Variants in NCF2 observed in about 807,000 individuals in gnomAD.
NCF2 encodes the protein neutrophil cytosolic factor 2.
Under a neutral mutation model 70.9 loss-of-function variants are expected in NCF2, and 45 were observed. The observed-to-expected ratio is 0.63, with a 90% confidence interval of 0.50 to 0.81. NCF2 has a LOEUF of 0.81. Ranked by LOEUF, NCF2 falls within the 40% of genes least tolerant of loss-of-function variation. The pLI is 0.00. For missense variants in NCF2, 522 were observed against 631.6 expected (o/e 0.83, Z 1.86); for synonymous variants, 203 against 233.6 (o/e 0.87, Z 1.19).
intron 2 of NCF2, among the ~76,000 whole-genome samples, chr1:183,581,811 G>A (rs565425853): frequency 1.3e-5 from 2 of 152,226 alleles, no homozygotes; most frequent in East Asian, 3.9e-4. Flanking sequence ...GGGACTACAG[G>A]CGTCCGCCAC....
chr1:183,600,146 T>G, the NCF2 span, among the ~76,000 whole-genome samples: 6 of 152,222 alleles, frequency 3.9e-5, no homozygotes, highest in Admixed American at 3.9e-4. Context: ...AAATGGAGTT[T>G]GATAAAGACA....
the NCF2 span, among the ~76,000 whole-genome samples, chr1:183,599,472 TTCTTTCTTTC>T: frequency 7.0e-6 from 1 of 143,194 alleles, no homozygotes; most frequent in African/African-American, 2.7e-5. Flanking sequence ...CTTTCTTTCT[TTCTTTCTTTC>T]TCTTTTCTTT....
rs773234737 is a variant in NCF2, at chr1:183,570,840, C to G, written c.610-1G>C. ...CTTGATCCACCACAGATGCCACGAC[C>G]TAAAATCAAGGACAGGAGGGTGTGA... On this transcript the variant is annotated splice_acceptor_variant, in intron 5 of 14. Coordinates refer to ENST00000367535, the MANE Select transcript of NCF2 (RefSeq NM_000433.4). LOFTEE classifies it high-confidence loss of function. 1 of 1,614,142 alleles carries G rather than the reference C, an allele frequency of 6.2e-7. No homozygotes were observed. Among genetic ancestry groups the G allele is most frequent in the East Asian group, 2.2e-5 (1 of 44,884 alleles).
chr1:183,594,553 C>A (rs1292255618), upstream of NCF2, among the ~76,000 whole-genome samples: 1 of 152,172 alleles, frequency 6.6e-6, no homozygotes, highest in African/African-American at 2.4e-5. Context: ...TTCTGACACA[C>A]ACACCACTGG....
intron 2 of NCF2, among the ~76,000 whole-genome samples, chr1:183,581,946 C>T (rs942863286): frequency 2.0e-5 from 3 of 152,176 alleles, no homozygotes; most frequent in Admixed American, 6.5e-5. Flanking sequence ...GGATTACAGG[C>T]GTGAGCCACC....
At chr1:183,599,565 CTTTT>C in the NCF2 span, among the ~76,000 whole-genome samples, 1 of 136,692 alleles carries the variant, frequency 7.3e-6, no homozygotes, top group Non-Finnish European at 1.6e-5. Context: ...TTCTTTCTTT[CTTTT>C]GAGATGGAGT....
rs1198766858 is a variant in NCF2 at position 183,590,351 on chromosome 1, C to A, written c.-22G>T. 6.2e-7 allele frequency: 1 copy of A among 1,614,008 alleles called. No individual in the cohort carries two copies. On this transcript the variant is annotated 5_prime_UTR_variant, in exon 1 of 15. Transcript: ENST00000367535. ...ACATGATTAGGTAGAAACTAGGAGGCCAAGAGAGCTGCCAGGAGACAGAGA... is the reference window on the plus strand; with the variant it reads ...ACATGATTAGGTAGAAACTAGGAGGACAAGAGAGCTGCCAGGAGACAGAGA...
chr1:183,600,555 T>C, the NCF2 span, among the ~76,000 whole-genome samples: 1 of 152,164 alleles, frequency 6.6e-6, no homozygotes, highest in African/African-American at 2.4e-5. Flanking sequence ...CCCATCCATT[T>C]CCCCAGAACT....
chr1:183,590,162 T>C lies in NCF2; in HGVS notation c.168A>G (p.Ala56=), dbSNP rs1673574855. The change falls in exon 1 of 15, where the codon GCA becomes GCG. Residue 56 remains alanine (A), a synonymous_variant. Coordinates refer to ENST00000367535, the MANE Select transcript of NCF2 (RefSeq NM_000433.4). ...MYTILKNMTE[A]EKAFTRSINR... is the part of the protein sequence containing the mutation. Reference sequence around the variant, plus strand: ...AAGAGGCACCTCCACTCACCTTCTCTGCTTCAGTCATGTTCTTCAGGATAG... The same window carrying C: ...AAGAGGCACCTCCACTCACCTTCTCCGCTTCAGTCATGTTCTTCAGGATAG... 1 of 1,614,088 alleles carries C rather than the reference T, an allele frequency of 6.2e-7. No homozygotes were observed. Among genetic ancestry groups the C allele is most frequent in the South Asian group, 1.1e-5 (1 of 91,082 alleles).
At chr1:183,584,888 A>T (rs1673272130) in intron 2 of NCF2, among the ~76,000 whole-genome samples, 1 of 152,070 alleles carries the variant, frequency 6.6e-6, no homozygotes, top group South Asian at 2.1e-4. Context: ...ACATTAAAAT[A>T]AAAAATTAAA....
At chr1:183,594,984 C>T (rs192055608), upstream of NCF2, among the ~76,000 whole-genome samples, 14 of 152,320 alleles carry the variant, frequency 9.2e-5, no homozygotes, top group East Asian at 3.9e-4. Flanking sequence ...TTCAGTCTTT[C>T]GCCATGTTTA....
In NCF2 at chr1:183,570,415, C is replaced by T. The variant is rs115576005; in HGVS notation, c.669+365G>A. On this transcript the variant is annotated intron_variant, in intron 6 of 14. Transcript: ENST00000367535. ...GGCCCCACAGGGTTCCCCACTTGCCCCTGTACTCAAGAAGAGGCTTTGTTA... is the reference window on the plus strand; with the variant it reads ...GGCCCCACAGGGTTCCCCACTTGCCTCTGTACTCAAGAAGAGGCTTTGTTA... Among the ~76,000 whole-genome samples, 424 of 152,364 alleles carry T rather than the reference C, an allele frequency of 2.8e-3. 1 individual carries two copies. The highest frequency in any genetic ancestry group is 4.8e-3 in the Non-Finnish European group (325 of 68,036).
In NCF2 at chr1:183,556,081, G is replaced by A. The variant is rs1558087919; in HGVS notation, c.*37C>T. ...CTAAATCTTACAAACAAGTAATAGG[G>A]CTTCATTTTCTTCAGCTTTGTAGTT... On this transcript the variant is annotated 3_prime_UTR_variant, in exon 15 of 15. Coordinates refer to ENST00000367535, the MANE Select transcript of NCF2 (RefSeq NM_000433.4). 6.5e-7 allele frequency: 1 copy of A among 1,529,526 alleles called. No individual in the cohort carries two copies. The highest frequency in any genetic ancestry group is 2.2e-5 in the East Asian group (1 of 44,506). 94.7% of individuals were successfully genotyped at this position (1,529,526 alleles called of 1,614,324 possible).
At position 183,581,389 on chromosome 1, in the gene NCF2, C is replaced by T. The variant is rs965673464; in HGVS notation, c.258-3682G>A. On this transcript the variant is annotated intron_variant, in intron 2 of 14. Coordinates refer to ENST00000367535, the MANE Select transcript of NCF2 (RefSeq NM_000433.4). ...TTTGAGCCTGCAGTTCCAGCTACTC[C>T]GCCAGAGGCTGGGGCAGGAGGATCA... 1.1e-4 allele frequency among the ~76,000 whole-genome samples: 16 copies of T among 151,688 alleles called. No individual in the cohort carries two copies. The East Asian group carries it at 1.2e-3, about 11-fold the overall frequency.
chr1:183,569,066 T>G, intron 7 of NCF2, 76 bp downstream of exon 7: 1 of 1,421,022 alleles, frequency 7.0e-7, no homozygotes. Context: ...CACCTTCATC[T>G]TCTTCCCTCC....
chr1:183,573,109 T>A, intron 5 of NCF2, 76 bp downstream of exon 5: 1 of 1,348,878 alleles, frequency 7.4e-7, no homozygotes, highest in South Asian at 1.2e-5. Context: ...TACCCTCTTC[T>A]CAAGAGTCCC....
intron 6 of NCF2, among the ~76,000 whole-genome samples, chr1:183,570,160 C>A (rs1345898013): frequency 6.6e-6 from 1 of 152,272 alleles, no homozygotes; most frequent in Non-Finnish European, 1.5e-5. Context: ...ATCACAGGTT[C>A]ATTGCCACAG....
Position 183,567,279 on chromosome 1 carries a change from C to T in NCF2, c.780G>A (p.Gln260=). The change falls in exon 8 of 15, where the codon CAG becomes CAA. Residue 260 remains glutamine, a synonymous_variant. Transcript: ENST00000367535. ...CAAAGACAATGTTCCCTGGCATGAC[C>T]TGGAGCTCTTCTTTTGTCTCAGGCA... ...GFVPETKEEL[Q]VMPGNIVFVL... The T allele has an allele frequency of 6.2e-7, 1 of 1,614,196 alleles. No individual in the cohort carries two copies. The highest frequency in any genetic ancestry group is 1.3e-5 in the African/African-American group (1 of 75,046).
intron 5 of NCF2, among the ~76,000 whole-genome samples, chr1:183,571,148 C>CT (rs1184145075): frequency 1.5e-5 from 2 of 129,960 alleles, no homozygotes; most frequent in African/African-American, 5.7e-5. Flanking sequence ...GACGGAGTCA[C>CT]GCTCTGTTAC....
Sources: gnomAD v4.1 joint callset for allele counts (sites outside exome capture counted in the v4.1 genomes callset) on GRCh38, gnomAD v4.1.1 for gene constraint, MANE v1.5 for transcripts, NCBI Gene and HGNC (gene_info 2026-07-23, HGNC 2026-07-21) for gene names.